The following ZCCHC7 variants were observed in gnomAD, a reference collection of about 807,000 sequenced individuals.
The protein encoded by ZCCHC7 is zinc finger CCHC-type containing 7.
Under a neutral mutation model 52.0 loss-of-function variants are expected in ZCCHC7, and 35 were observed. The observed-to-expected ratio is 0.67, with a 90% CI of 0.51 to 0.89. ZCCHC7 has a LOEUF of 0.89. ZCCHC7 is among the 40% of genes least tolerant of loss of function. The probability of loss-of-function intolerance (pLI) is 0.00; values close to 1 mark genes in which losing one functional copy is unlikely to be tolerated. For missense variants in ZCCHC7, 574 were observed against 649.1 expected (o/e 0.88, Z 1.26); for synonymous variants, 217 against 221.5 (o/e 0.98, Z 0.18).
chr9:37,177,933 GA>G (rs1193951049), intron 2 of ZCCHC7, among the ~76,000 whole-genome samples: 2 of 152,068 alleles, frequency 1.3e-5, no homozygotes, highest in Non-Finnish European at 2.9e-5. Flanking sequence ...TTCTAGAACA[GA>G]AAAAAATTAA....
chr9:37,216,469 G>A (rs919899457), intron 2 of ZCCHC7, among the ~76,000 whole-genome samples: 1 of 152,166 alleles, frequency 6.6e-6, no homozygotes, highest in African/African-American at 2.4e-5. Flanking sequence ...GAGGTCAGGT[G>A]ATCGAGACCA....
At chr9:37,338,233 G>T (rs1830765721) in intron 6 of ZCCHC7, among the ~76,000 whole-genome samples, 1 of 152,002 alleles carries the variant, frequency 6.6e-6, no homozygotes, top group Admixed American at 6.6e-5. Context: ...AAGCTTAATA[G>T]CTCATTTTTA....
chr9:37,196,165 A>G (rs375658906), intron 2 of ZCCHC7, among the ~76,000 whole-genome samples: 3 of 152,288 alleles, frequency 2.0e-5, no homozygotes, highest in South Asian at 2.1e-4. Flanking sequence ...ATAATGTGCC[A>G]GTTTTATGAT....
chr9:37,227,069 G>A (rs1281572379), intron 2 of ZCCHC7, among the ~76,000 whole-genome samples: 2 of 151,488 alleles, frequency 1.3e-5, no homozygotes, highest in Non-Finnish European at 2.9e-5. Context: ...AATACCTTGG[G>A]TTATATATTT....
At chr9:37,236,355 A>G (rs1385683607) in intron 2 of ZCCHC7, among the ~76,000 whole-genome samples, 3 of 151,858 alleles carry the variant, frequency 2.0e-5, no homozygotes, top group African/African-American at 7.3e-5. Context: ...ATATATTTTA[A>G]CCAAGGCTCA....
intron 2 of ZCCHC7, among the ~76,000 whole-genome samples, chr9:37,212,026 CA>C (rs574190937): frequency 5.1e-4 from 28 of 55,408 alleles, no homozygotes; most frequent in South Asian, 2.6e-3. Context: ...GACTCCGTCT[CA>C]AAAAAAAAAA....
chr9:37,356,582 G>T (rs1821715887), intron 8 of ZCCHC7, among the ~76,000 whole-genome samples: 1 of 152,180 alleles, frequency 6.6e-6, no homozygotes, highest in South Asian at 2.1e-4. Flanking sequence ...GTTCTTACAG[G>T]TCCTCATCTC....
intron 2 of ZCCHC7, among the ~76,000 whole-genome samples, chr9:37,287,845 GC>G (rs1473195384): frequency 6.6e-6 from 1 of 151,270 alleles, no homozygotes; most frequent in African/African-American, 2.4e-5. Context: ...TGTTTTTACA[GC>G]TTTTTTGCTC....
intron 2 of ZCCHC7, among the ~76,000 whole-genome samples, chr9:37,235,392 A>G (rs2133331788): frequency 6.6e-6 from 1 of 152,192 alleles, no homozygotes; most frequent in East Asian, 1.9e-4. Context: ...ATTTAATATA[A>G]TGTCCTCCAG....
Position 37,246,171 on chromosome 9 carries a change from A to G in ZCCHC7, c.611-56017A>G, listed in dbSNP as rs551959678. Among the ~76,000 whole-genome samples the G allele has an allele frequency of 5.9e-5, 9 of 152,218 alleles. No homozygotes were observed. In the East Asian group the frequency reaches 1.5e-3, roughly 26 times the overall value. ...AGGTCATGGTACTGTTCTTCTGGAT[A>G]GTGAATACTAGAGGAGAATCAAGTT... On this transcript the variant is annotated intron_variant, in intron 2 of 8. Coordinates refer to ENST00000336755, the MANE Select transcript of ZCCHC7 (RefSeq NM_032226.3).
At chr9:37,308,429 C>T (rs1829434504) in intron 5 of ZCCHC7, among the ~76,000 whole-genome samples, 1 of 151,992 alleles carries the variant, frequency 6.6e-6, no homozygotes, top group Admixed American at 6.5e-5. Context: ...AAGACATTAT[C>T]ATAGGCAATT....
At chr9:37,226,489 A>G (rs1588511515) in intron 2 of ZCCHC7, among the ~76,000 whole-genome samples, 1 of 152,184 alleles carries the variant, frequency 6.6e-6, no homozygotes, top group Non-Finnish European at 1.5e-5. Context: ...ACAATGATTA[A>G]AACCGCAGGA....
rs200529938 is a variant in ZCCHC7, at chr9:37,147,299, G to A, written c.610+20357G>A. 13 of 151,976 alleles carry A rather than the reference G, an allele frequency of 8.6e-5. No homozygotes were observed. In the East Asian group the frequency reaches 2.3e-3, roughly 27 times the overall value. 9.4% of individuals were successfully genotyped at this position (151,976 alleles called of 1,614,324 possible). ...AGGATAATAGACATTGTAATGTAAT[G>A]GAAAAACATTTTGTCCCATAAAAAC... On this transcript the variant is annotated intron_variant, in intron 2 of 8. Coordinates refer to ENST00000336755, the MANE Select transcript of ZCCHC7 (RefSeq NM_032226.3).
At chr9:37,136,359 GATC>G (rs1842997101) in intron 2 of ZCCHC7, among the ~76,000 whole-genome samples, 1 of 152,190 alleles carries the variant, frequency 6.6e-6, no homozygotes, top group Non-Finnish European at 1.5e-5. Context: ...ATAGGTTCAT[GATC>G]ATTGTGGCAA....
rs1285403479 is a variant in ZCCHC7 at position 37,358,009 on chromosome 9, A to T, written c.*741A>T. The T allele has an allele frequency of 6.6e-6, 1 of 152,220 alleles. No individual in the cohort carries two copies. Among genetic ancestry groups the T allele is most frequent in the Admixed American group, 6.5e-5 (1 of 15,272 alleles). The allele number at this position is 152,220 out of a possible 1,614,324, so 9.4% of individuals were successfully genotyped here. A position where few individuals can be genotyped will look rare whatever the true frequency, so the allele number is the denominator to read the frequency against. ...CTGTCACTCAGATCTGCAGAGATGAATATTACTCAAAAAATTTTTTTGTTC... is the reference window on the plus strand; with the variant it reads ...CTGTCACTCAGATCTGCAGAGATGATTATTACTCAAAAAATTTTTTTGTTC... On this transcript the variant is annotated 3_prime_UTR_variant, in exon 9 of 9. Transcript: ENST00000336755.
intron 2 of ZCCHC7, among the ~76,000 whole-genome samples, chr9:37,297,609 T>C (rs1828846875): frequency 6.6e-6 from 1 of 152,234 alleles, no homozygotes; most frequent in Non-Finnish European, 1.5e-5. Flanking sequence ...ATGTAAGGCA[T>C]CTATGGCTTC....
At chr9:37,227,172 T>A (rs1209174732) in intron 2 of ZCCHC7, among the ~76,000 whole-genome samples, 1 of 152,180 alleles carries the variant, frequency 6.6e-6, no homozygotes, top group African/African-American at 2.4e-5. Context: ...CAAAGGATAC[T>A]TTAATAAGCT....
chr9:37,226,902 C>T (rs1195936745), intron 2 of ZCCHC7, among the ~76,000 whole-genome samples: 1 of 151,638 alleles, frequency 6.6e-6, no homozygotes, highest in Non-Finnish European at 1.5e-5. Flanking sequence ...GGGTGGTGGG[C>T]GCCTGTAGTC....
At chr9:37,191,134 G>C (rs1823000149) in intron 2 of ZCCHC7, among the ~76,000 whole-genome samples, 1 of 152,004 alleles carries the variant, frequency 6.6e-6, no homozygotes, top group South Asian at 2.1e-4. Flanking sequence ...AAAACATTTT[G>C]GGCACTTGAA....
Sources: allele counts gnomAD v4.1 joint callset (sites outside exome capture counted in the v4.1 genomes callset), GRCh38; gene constraint gnomAD v4.1.1; transcripts MANE v1.5; gene names NCBI Gene and HGNC (gene_info 2026-07-23, HGNC 2026-07-21).